The following CCDC18 variants were observed in gnomAD, a reference collection of about 807,000 sequenced individuals.
The protein encoded by CCDC18 is coiled-coil domain containing 18, also known as coiled-coil domain-containing protein 18.
CCDC18 carries 157 observed loss-of-function variants against 196.0 expected under a neutral mutation model. That is an observed-to-expected ratio of 0.80 (90% CI 0.70 to 0.91). CCDC18 has a LOEUF of 0.91. Among genes scored for constraint, CCDC18 ranks in the 40% least tolerant of loss-of-function variants. CCDC18 has a pLI of 0.00. For synonymous variants in CCDC18, 482 were observed against 529.2 expected (o/e 0.91, Z 1.22); for missense variants, 1,465 against 1,611.6 (o/e 0.91, Z 1.56).
chr1:93,239,194 A>G, intron 19 of CCDC18, 116 bp from the exon 20 acceptor site: 2 of 725,590 alleles, frequency 2.8e-6, no homozygotes, highest in Non-Finnish European at 4.4e-6. Context: ...TAAAATTCCA[A>G]CTAGATATTT....
In CCDC18 at chr1:93,226,414, A is replaced by G. The variant is rs553331758; in HGVS notation, c.2257A>G (p.Lys753Glu). 1 of 1,577,786 alleles carries G rather than the reference A, an allele frequency of 6.3e-7. No individual in the cohort carries two copies. The highest frequency in any genetic ancestry group is 1.4e-5 in the African/African-American group (1 of 73,898). The stretch of plus-strand genomic sequence containing the variant: ...GAATCAATTGGAAGGAAATAAGGAA[A>G]AGTTTGAAAAACAGTTAAAGAAGAA... ...HLNQLEGNKEKFEKQLKKKSE... is the reference protein window; with the variant it reads ...HLNQLEGNKEEFEKQLKKKSE... Residue 753 changes from lysine (K) to glutamate (E), a missense_variant, in exon 17 of 29, where the codon AAG becomes GAG. By Grantham distance (56) the Lys-to-Glu change is moderately conservative. Coordinates refer to ENST00000690025, the MANE Select transcript of CCDC18 (RefSeq NM_001378204.1).
chr1:93,225,995 ATCT>A (rs1209753969), intron 16 of CCDC18, among the ~76,000 whole-genome samples: 3 of 152,090 alleles, frequency 2.0e-5, no homozygotes, highest in East Asian at 3.9e-4. Flanking sequence ...CTACAAATTC[ATCT>A]TCTTACTACC....
chr1:93,202,864 A>T lies in CCDC18; in HGVS notation c.795+876A>T, dbSNP rs1205824244. Among the ~76,000 whole-genome samples, 4 of 152,198 alleles carry T rather than the reference A, an allele frequency of 2.6e-5. No individual in the cohort carries two copies. In the East Asian group the frequency reaches 7.7e-4, roughly 29 times the overall value. ...ATTTTGGAATAAGTATAATATAGAA[A>T]TAAGAGGTAGGTGTGGTAGGGTGGG... On this transcript the variant is annotated intron_variant, in intron 7 of 28. Transcript: ENST00000690025.
At chr1:93,180,522 C>T (rs145695340), upstream of CCDC18, 6,617 of 1,528,454 alleles carry the variant, frequency 4.3e-3, 23 homozygotes, top group Non-Finnish European at 5.4e-3. Context: ...CTGACGGCCT[C>T]CGGTTCCCAT....
At chr1:93,246,601 A>G (rs571608442) in intron 22 of CCDC18, among the ~76,000 whole-genome samples, 7 of 152,256 alleles carry the variant, frequency 4.6e-5, no homozygotes, top group Middle Eastern at 3.4e-3. Flanking sequence ...GAATGTCACT[A>G]TGTATTGTTA....
At chr1:93,180,718 C>T (rs756602326), upstream of CCDC18, 6 of 1,360,260 alleles carry the variant, frequency 4.4e-6, no homozygotes, top group South Asian at 2.3e-5. Context: ...CAACGGCTCC[C>T]GCGGCGGTTC....
intron 26 of CCDC18, among the ~76,000 whole-genome samples, chr1:93,259,737 C>G (rs1277908377): frequency 6.6e-6 from 1 of 152,116 alleles, no homozygotes; most frequent in African/African-American, 2.4e-5. Flanking sequence ...TGATCTTTAG[C>G]GACAAACCTG....
At chr1:93,189,726 A>G (rs1651390237) in intron 4 of CCDC18, among the ~76,000 whole-genome samples, 1 of 152,070 alleles carries the variant, frequency 6.6e-6, no homozygotes, top group Non-Finnish European at 1.5e-5. Flanking sequence ...GCAATGGTGC[A>G]ATCACAGCTC....
intron 26 of CCDC18, among the ~76,000 whole-genome samples, chr1:93,263,525 A>T (rs1288046169): frequency 1.3e-5 from 2 of 152,192 alleles, no homozygotes; most frequent in African/African-American, 2.4e-5. Context: ...GCAAAATGCC[A>T]CTGGTCTCTT....
chr1:93,222,287 T>C (rs1011367515), intron 16 of CCDC18, among the ~76,000 whole-genome samples: 1 of 152,176 alleles, frequency 6.6e-6, no homozygotes, highest in African/African-American at 2.4e-5. Flanking sequence ...GAGCGAATTA[T>C]GATCTTAATT....
At chr1:93,278,074 C>G (rs112122064) in intron 28 of CCDC18, among the ~76,000 whole-genome samples, 1 of 151,976 alleles carries the variant, frequency 6.6e-6, no homozygotes, top group African/African-American at 2.4e-5. Context: ...GCAACCTCCC[C>G]CTCCAAGGTT....
rs115774791 is a variant in CCDC18 at position 93,205,834 on chromosome 1, C to T, written c.917+203C>T. 2.5e-3 allele frequency among the ~76,000 whole-genome samples: 387 copies of T among 152,066 alleles called. 4 individuals are homozygous for T. Among genetic ancestry groups the T allele is most frequent in the African/African-American group, 8.6e-3 (357 of 41,492 alleles). ...TTAATGCTAATAATATTTGTAAATA[C>T]GGAGACATACTGATCAACATATTTG... On this transcript the variant is annotated intron_variant, in intron 8 of 28. Transcript: ENST00000690025.
chr1:93,216,682 A>C lies in CCDC18; in HGVS notation c.1766A>C (p.Glu589Ala), dbSNP rs1454114879. ...CTTTTAACTCTTGAGAAACAGCTGG[A>C]AGAAAAGATAGTTGCTTATTCCTCT... ...SQLLTLEKQLEEKIVAYSSIA... is the reference protein window; with the variant it reads ...SQLLTLEKQLAEKIVAYSSIA... Residue 589 changes from glutamate to alanine, a missense_variant, in exon 13 of 29, where the codon GAA becomes GCA. Coordinates refer to ENST00000690025, the MANE Select transcript of CCDC18 (RefSeq NM_001378204.1). 1 of 1,587,460 alleles carries C rather than the reference A, an allele frequency of 6.3e-7. No homozygotes were observed. Among genetic ancestry groups the C allele is most frequent in the East Asian group, 2.3e-5 (1 of 43,118 alleles).
intron 15 of CCDC18, 42 bp downstream of exon 15, chr1:93,221,785 A>C: frequency 6.3e-7 from 1 of 1,594,036 alleles, no homozygotes; most frequent in East Asian, 2.3e-5. Context: ...AAGTTGACTA[A>C]TATTTTATGT....
chr1:93,206,016 A>G (rs1480518656), intron 8 of CCDC18, among the ~76,000 whole-genome samples: 1 of 152,142 alleles, frequency 6.6e-6, no homozygotes, highest in Non-Finnish European at 1.5e-5. Flanking sequence ...TTTTATAAGT[A>G]AACAGAAGCC....
Position 93,192,125 on chromosome 1 carries a change from G to C in CCDC18, c.569+19G>C. ...TTTTGAGGTAAATATACTTTTTATA[G>C]CTCTCAAAGTTTTATTTTCTACTTA... On this transcript the variant is annotated intron_variant, in intron 5 of 28. Coordinates refer to ENST00000690025, the MANE Select transcript of CCDC18 (RefSeq NM_001378204.1). 2.0e-6 allele frequency: 3 copies of C among 1,465,154 alleles called. No homozygotes were observed. The highest frequency in any genetic ancestry group is 2.9e-6 in the Non-Finnish European group (3 of 1,048,970). 90.8% of individuals were successfully genotyped at this position (1,465,154 alleles called of 1,614,324 possible).
upstream of CCDC18, chr1:93,180,466 G>A: frequency 6.9e-7 from 1 of 1,454,930 alleles, no homozygotes; most frequent in Non-Finnish European, 9.3e-7. Flanking sequence ...AACCGCCTCA[G>A]TCTCGGCCCC....
chr1:93,184,070 T>G lies in CCDC18; in HGVS notation c.227T>G (p.Leu76Trp). Residue 76 changes from leucine to tryptophan, a missense_variant, in exon 3 of 29, where the codon TTG becomes TGG. Physicochemically the swap from Leu to Trp is moderately conservative, Grantham distance 61. Coordinates refer to ENST00000690025, the MANE Select transcript of CCDC18 (RefSeq NM_001378204.1). ...GTTCAGCCTAGCCACCCTGGACTTT[T>G]GAATTATTCACCTTATGAAAACGTC... is the stretch of plus-strand genomic sequence containing the variant. ...LDVQPSHPGL[L>W]NYSPYENVCK... The G allele has an allele frequency of 6.3e-7, 1 of 1,589,102 alleles. No homozygotes were observed. The highest frequency in any genetic ancestry group is 1.2e-5 in the South Asian group (1 of 86,822).
At chr1:93,273,241 T>C (rs1230675074) in intron 28 of CCDC18, among the ~76,000 whole-genome samples, 1 of 152,076 alleles carries the variant, frequency 6.6e-6, no homozygotes, top group Non-Finnish European at 1.5e-5. Flanking sequence ...GCTAATTTTT[T>C]GTATTTTTAG....
Sources: gnomAD v4.1 joint callset for allele counts (sites outside exome capture counted in the v4.1 genomes callset) on GRCh38, gnomAD v4.1.1 for gene constraint, MANE v1.5 for transcripts, NCBI Gene and HGNC (gene_info 2026-07-23, HGNC 2026-07-21) for gene names.